RAB4B: variants seen among roughly 807,000 people sequenced by gnomAD.
The protein encoded by RAB4B is RAB4B, member RAS oncogene family.
A neutral mutation model predicts 28.3 loss-of-function variants in RAB4B; 15 were observed. The ratio of observed to expected loss-of-function variants is 0.53; its 90% CI spans 0.35 to 0.82. The LOEUF (loss-of-function observed/expected upper bound fraction) is 0.82. RAB4B is among the 40% of genes least tolerant of loss of function. The probability of loss-of-function intolerance (pLI) is 0.01; values close to 1 mark genes in which losing one functional copy is unlikely to be tolerated. For missense variants in RAB4B, 244 were observed against 288.5 expected, an observed-to-expected ratio of 0.85 and a Z score of 1.12; for synonymous variants, 108 against 116.3, an observed-to-expected ratio of 0.93 and a Z score of 0.46.
At chr19:40,790,612 A>T (rs541190714) in intron 7 of RAB4B, among the ~76,000 whole-genome samples, 6 of 145,622 alleles carry the variant, frequency 4.1e-5, no homozygotes, top group Non-Finnish European at 9.0e-5. Context: ...TGACCTCGTG[A>T]TCCTCCTGCC....
intron 5 of RAB4B, among the ~76,000 whole-genome samples, chr19:40,784,552 G>C (rs1326167842): frequency 1.3e-5 from 2 of 152,140 alleles, no homozygotes; most frequent in Non-Finnish European, 2.9e-5. Context: ...AGTGAGCTAT[G>C]TGATTACACT....
intron 7 of RAB4B, among the ~76,000 whole-genome samples, chr19:40,788,481 TAAAA>T (rs751428239): frequency 4.5e-5 from 3 of 67,114 alleles, no homozygotes; most frequent in South Asian, 3.7e-4. Context: ...GCGAGACTCT[TAAAA>T]AAAAAAAAAA....
At chr19:40,790,378 CTTT>C (rs1199681561) in intron 7 of RAB4B, among the ~76,000 whole-genome samples, 41 of 144,582 alleles carry the variant, frequency 2.8e-4, no homozygotes, top group Non-Finnish European at 4.7e-4. Flanking sequence ...TGGTTCCTGT[CTTT>C]TTATTTTGAG....
chr19:40,781,849 G>A (rs911013407), intron 3 of RAB4B, among the ~76,000 whole-genome samples: 25 of 151,822 alleles, frequency 1.6e-4, no homozygotes, highest in East Asian at 3.9e-4. Context: ...GTGAAACCCC[G>A]TCTCTACTAA....
rs1217337710 is a variant in RAB4B at position 40,796,856 on chromosome 19, G to C, written c.*302G>C. The C allele has an allele frequency of 6.5e-6, 1 of 152,932 alleles. No individual in the cohort carries two copies. Among genetic ancestry groups the C allele is most frequent in the Non-Finnish European group, 1.5e-5 (1 of 68,292 alleles). 9.5% of individuals were successfully genotyped at this position (152,932 alleles called of 1,614,324 possible). On this transcript the variant is annotated 3_prime_UTR_variant, in exon 8 of 8. Transcript: ENST00000357052. ...GTCATTTGTCCCCAACTCCCCATCT[G>C]GCCCTGCTGTTGCTAGTACCTGTTA...
At chr19:40,794,144 G>A (rs2083186441) in intron 7 of RAB4B, among the ~76,000 whole-genome samples, 1 of 151,334 alleles carries the variant, frequency 6.6e-6, no homozygotes, top group African/African-American at 2.4e-5. Context: ...GTGTGGTCTC[G>A]GCTCACTGAA....
chr19:40,781,217 G>A (rs1380013099), intron 3 of RAB4B, among the ~76,000 whole-genome samples: 3 of 151,132 alleles, frequency 2.0e-5, no homozygotes, highest in African/African-American at 7.3e-5. Context: ...AACCTGGGAG[G>A]CAGAAGTTGT....
In RAB4B at chr19:40,792,423, G is replaced by A. The variant is rs141461792; in HGVS notation, c.*16-4147G>A. ...ATCTTTGGGCTGAGCTCAAATGAATGGGTGTGTCTTCTTCACCTCAGGGCT... is the reference window on the plus strand; with the variant it reads ...ATCTTTGGGCTGAGCTCAAATGAATAGGTGTGTCTTCTTCACCTCAGGGCT... On this transcript the variant is annotated intron_variant, in intron 7 of 7. Coordinates refer to ENST00000357052, the MANE Select transcript of RAB4B (RefSeq NM_016154.5). 5.3e-5 allele frequency: 8 copies of A among 152,352 alleles called. No individual in the cohort carries two copies. In the South Asian group the frequency reaches 6.2e-4, roughly 12 times the overall value. 9.4% of individuals were successfully genotyped at this position (152,352 alleles called of 1,614,324 possible).
intron 7 of RAB4B, among the ~76,000 whole-genome samples, chr19:40,793,223 A>C (rs1336016238): frequency 6.6e-6 from 1 of 150,484 alleles, no homozygotes; most frequent in African/African-American, 2.4e-5. Flanking sequence ...TTTGGCCAAT[A>C]TGATATTCTT....
At chr19:40,786,560 G>A in intron 5 of RAB4B, 105 bp from the exon 6 acceptor site, 6 of 1,530,772 alleles carry the variant, frequency 3.9e-6, no homozygotes, top group Middle Eastern at 3.6e-4. Context: ...GTGAGGGTAA[G>A]GGGGGATGGA....
intron 7 of RAB4B, among the ~76,000 whole-genome samples, chr19:40,791,982 C>T (rs549226916): frequency 6.6e-6 from 1 of 152,342 alleles, no homozygotes; most frequent in African/African-American, 2.4e-5. Flanking sequence ...GGTCCCATCC[C>T]TCCTTCTCTG....
chr19:40,778,302 T>A lies in RAB4B; in HGVS notation c.-74T>A, dbSNP rs920593272. On this transcript the variant is annotated 5_prime_UTR_variant, in exon 1 of 8. Coordinates refer to ENST00000357052, the MANE Select transcript of RAB4B (RefSeq NM_016154.5). Reference sequence around the variant, plus strand: ...GAAGGAGCCGGGGCTGTAGCCGGAGTGGAGCGGCTGCCAGCCGAGGAGCAG... The same window carrying A: ...GAAGGAGCCGGGGCTGTAGCCGGAGAGGAGCGGCTGCCAGCCGAGGAGCAG... 21 of 1,418,012 alleles carry A rather than the reference T, an allele frequency of 1.5e-5. No individual in the cohort carries two copies. Among genetic ancestry groups the A allele is most frequent in the Non-Finnish European group, 2.0e-5 (21 of 1,067,646 alleles). The allele number at this position is 1,418,012 out of a possible 1,614,324, so 87.8% of individuals were successfully genotyped here. A position where few individuals can be genotyped will look rare whatever the true frequency, so the allele number is the denominator to read the frequency against.
intron 7 of RAB4B, 57 bp from the exon 8 acceptor site, chr19:40,796,512 AG>A (rs2145072470): frequency 6.6e-6 from 1 of 152,642 alleles, no homozygotes; most frequent in East Asian, 1.9e-4. Context: ...GAAATGAGAT[AG>A]AGACCGGCTG....
chr19:40,785,231 C>G (rs1356034827), intron 5 of RAB4B, among the ~76,000 whole-genome samples: 1 of 150,156 alleles, frequency 6.7e-6, no homozygotes, highest in Non-Finnish European at 1.5e-5. Context: ...AAGGGCCAAC[C>G]ACAATGGCTC....
At chr19:40,779,046 AGACCCTGAGGTGAG>A (rs2083022986) in intron 1 of RAB4B, 1 of 985,116 alleles carries the variant, frequency 1.0e-6, no homozygotes. Flanking sequence ...AAGAGTGCAA[AGACCCTGAGGTGAG>A]AACCAGCTTG....
At chr19:40,783,724 AT>A in intron 3 of RAB4B, 53 bp from the exon 4 acceptor site, 1 of 1,491,172 alleles carries the variant, frequency 6.7e-7, no homozygotes, top group East Asian at 2.3e-5. Context: ...AGAGGGGGGC[AT>A]TCTCGGGGCA....
chr19:40,785,215 GT>G (rs2083087042), intron 5 of RAB4B, among the ~76,000 whole-genome samples: 1 of 151,764 alleles, frequency 6.6e-6, no homozygotes, highest in African/African-American at 2.4e-5. Context: ...ACACCAAAAG[GT>G]TTGCAAGGGC....
At chr19:40,781,580 G>T (rs2083048443) in intron 3 of RAB4B, among the ~76,000 whole-genome samples, 1 of 151,962 alleles carries the variant, frequency 6.6e-6, no homozygotes, top group Non-Finnish European at 1.5e-5. Context: ...GACCAGCCTG[G>T]GCAACATTGT....
intron 1 of RAB4B, chr19:40,779,469 C>CTCCCAA: frequency 1.8e-5 from 3 of 163,038 alleles, no homozygotes; most frequent in Admixed American, 1.2e-4. Flanking sequence ...GTGGGCTGGG[C>CTCCCAA]GCGGTGGCTC....
Sources: gnomAD v4.1 joint callset for allele counts (sites outside exome capture counted in the v4.1 genomes callset) on GRCh38, gnomAD v4.1.1 for gene constraint, MANE v1.5 for transcripts, NCBI Gene and HGNC (gene_info 2026-07-23, HGNC 2026-07-21) for gene names.